The following DCHS2 variants were observed in gnomAD, a reference collection of about 807,000 sequenced individuals.
DCHS2 encodes the protein protocadherin-23.
A neutral mutation model predicts 182.4 loss-of-function variants in DCHS2; 142 were observed. The ratio of observed to expected loss-of-function variants is 0.78; its 90% CI spans 0.68 to 0.89. The LOEUF (loss-of-function observed/expected upper bound fraction) is 0.89. Ranked by LOEUF, DCHS2 falls within the 40% of genes least tolerant of loss-of-function variation. DCHS2 has a pLI of 0.00. For synonymous variants in DCHS2, 1,740 were observed against 1,663.3 expected, an observed-to-expected ratio of 1.05 and a Z score of -1.12; for missense variants, 4,319 against 4,198.6, an observed-to-expected ratio of 1.03 and a Z score of -0.79.
intron 1 of DCHS2, among the ~76,000 whole-genome samples, chr4:154,445,660 A>G (rs372224181): frequency 3.3e-5 from 5 of 151,990 alleles, no homozygotes; most frequent in Non-Finnish European, 5.9e-5. Context: ...AATAGAAAAT[A>G]ATTAGCTGGC....
intron 3 of DCHS2, among the ~76,000 whole-genome samples, chr4:154,335,436 T>C (rs1728751522): frequency 6.6e-6 from 1 of 152,184 alleles, no homozygotes; most frequent in Non-Finnish European, 1.5e-5. Flanking sequence ...CACTGGTTTT[T>C]CTCCAGCCTT....
At chr4:154,336,366 C>A (rs1728811785) in intron 3 of DCHS2, among the ~76,000 whole-genome samples, 1 of 152,018 alleles carries the variant, frequency 6.6e-6, no homozygotes, top group Non-Finnish European at 1.5e-5. Context: ...AAGAAATGAA[C>A]CTGTTAGTTT....
rs1051842783 is a variant in DCHS2, at chr4:154,250,065, A to G, written c.6941+5454T>C. Reference sequence around the variant, plus strand: ...ACTATATGAGAGGATTGCATAGGTAATATGCAAATACTATGCCATTTTATA... The same window carrying G: ...ACTATATGAGAGGATTGCATAGGTAGTATGCAAATACTATGCCATTTTATA... On this transcript the variant is annotated intron_variant, in intron 16 of 19. Transcript: ENST00000357232. 3.3e-5 allele frequency among the ~76,000 whole-genome samples: 5 copies of G among 152,296 alleles called. No individual in the cohort carries two copies. The South Asian group carries it at 1.0e-3, about 32-fold the overall frequency.
intron 3 of DCHS2, among the ~76,000 whole-genome samples, chr4:154,339,039 T>A (rs1325944192): frequency 6.6e-6 from 1 of 152,174 alleles, no homozygotes; most frequent in Non-Finnish European, 1.5e-5. Flanking sequence ...AGGAATTGGC[T>A]GAGATTATGA....
At position 154,491,280 on chromosome 4, in the gene DCHS2, G is replaced by A. The variant is rs1177362935; in HGVS notation, c.76C>T (p.Pro26Ser). 7 of 1,549,752 alleles carry A rather than the reference G, an allele frequency of 4.5e-6. No individual in the cohort carries two copies. The highest frequency in any genetic ancestry group is 3.6e-5 in the South Asian group (3 of 83,972). ...RAPVGKLLLL[P>S]GRRDTPHGRS... is the part of the protein sequence containing the mutation. ...CCATGGGGTGTATCTCTCCTCCCGG[G>A]GAGCAGAAGGAGCTTCCCGACCGGA... Residue 26 changes from proline (P) to serine (S), a missense_variant, in exon 1 of 20, where the codon CCC becomes TCC. Transcript: ENST00000357232.
At chr4:154,478,804 G>A (rs1046325084) in intron 1 of DCHS2, among the ~76,000 whole-genome samples, 7 of 152,172 alleles carry the variant, frequency 4.6e-5, no homozygotes, top group African/African-American at 1.7e-4. Flanking sequence ...CTGAGAGTCA[G>A]AATTTGCAGT....
intron 1 of DCHS2, among the ~76,000 whole-genome samples, chr4:154,454,182 A>T (rs1309523132): frequency 2.0e-5 from 3 of 152,052 alleles, no homozygotes; most frequent in Non-Finnish European, 4.4e-5. Flanking sequence ...CGATGTACTC[A>T]GCATAACATG....
At chr4:154,419,245 T>C (rs777284083) in intron 1 of DCHS2, among the ~76,000 whole-genome samples, 6 of 152,228 alleles carry the variant, frequency 3.9e-5, no homozygotes, top group Non-Finnish European at 7.3e-5. Flanking sequence ...TGTGTGTTTA[T>C]ACAGAAAATA....
intron 3 of DCHS2, among the ~76,000 whole-genome samples, chr4:154,349,882 C>A (rs1010074506): frequency 2.6e-5 from 4 of 152,158 alleles, no homozygotes; most frequent in African/African-American, 9.7e-5. Context: ...TAGCTAGTTC[C>A]AGAAATAAAA....
chr4:154,356,024 C>T (rs1729843527), intron 3 of DCHS2, among the ~76,000 whole-genome samples: 1 of 152,020 alleles, frequency 6.6e-6, no homozygotes, highest in Non-Finnish European at 1.5e-5. Context: ...AGAACAGCCA[C>T]AGACAGGTCC....
intron 1 of DCHS2, among the ~76,000 whole-genome samples, chr4:154,428,626 A>C (rs774368095): frequency 1.3e-5 from 2 of 152,006 alleles, no homozygotes; most frequent in Non-Finnish European, 2.9e-5. Flanking sequence ...AAAATGAAAA[A>C]AAGGAAAGTG....
At chr4:154,464,749 C>T (rs550531924) in intron 1 of DCHS2, among the ~76,000 whole-genome samples, 15 of 152,226 alleles carry the variant, frequency 9.9e-5, no homozygotes, top group African/African-American at 3.6e-4. Flanking sequence ...GCAATATCCT[C>T]TTGGTGCCCA....
chr4:154,307,441 GCA>G (rs34718837), intron 10 of DCHS2, among the ~76,000 whole-genome samples: 124,695 of 149,996 alleles, frequency 0.83, 53,273 homozygotes, highest in East Asian at 0.96. Context: ...ATGTGCGCGC[GCA>G]CACACACACA....
intron 1 of DCHS2, among the ~76,000 whole-genome samples, chr4:154,441,074 G>C (rs920180279): frequency 6.6e-6 from 1 of 152,180 alleles, no homozygotes; most frequent in Admixed American, 6.5e-5. Flanking sequence ...AAATAAAGCA[G>C]AGTCACAGCA....
intron 15 of DCHS2, 27 bp downstream of exon 15, chr4:154,259,518 A>C: frequency 1.2e-6 from 2 of 1,610,782 alleles, no homozygotes. Context: ...ACACACACAC[A>C]CACACACACA....
intron 1 of DCHS2, among the ~76,000 whole-genome samples, chr4:154,419,093 C>G (rs1732991126): frequency 6.6e-6 from 1 of 151,878 alleles, no homozygotes; most frequent in Non-Finnish European, 1.5e-5. Flanking sequence ...GTAGGTGACT[C>G]AATTTAATAG....
chr4:154,373,217 A>G (rs1343710620), intron 2 of DCHS2, among the ~76,000 whole-genome samples: 2 of 152,200 alleles, frequency 1.3e-5, no homozygotes, highest in Non-Finnish European at 2.9e-5. Flanking sequence ...CTACTGAGTC[A>G]TTACCAACTT....
At chr4:154,300,510 CAAA>C (rs61371659) in intron 12 of DCHS2, among the ~76,000 whole-genome samples, 28 of 108,156 alleles carry the variant, frequency 2.6e-4, no homozygotes, top group Non-Finnish European at 3.5e-4. Flanking sequence ...CTCATCTCTA[CAAA>C]AAAAAAAAAA....
At chr4:154,456,784 T>C (rs1382693093) in intron 1 of DCHS2, among the ~76,000 whole-genome samples, 2 of 152,182 alleles carry the variant, frequency 1.3e-5, no homozygotes, top group African/African-American at 2.4e-5. Context: ...GATGAACTTG[T>C]TGACATCTAT....
Sources: gnomAD v4.1 joint callset for allele counts (sites outside exome capture counted in the v4.1 genomes callset) on GRCh38, gnomAD v4.1.1 for gene constraint, MANE v1.5 for transcripts, NCBI Gene and HGNC (gene_info 2026-07-23, HGNC 2026-07-21) for gene names.